Variants in SEC24B observed in about 807,000 individuals in gnomAD.
SEC24B encodes protein transport protein Sec24B.
Under a neutral mutation model 142.8 loss-of-function variants are expected in SEC24B, and 45 were observed. The ratio of observed to expected loss-of-function variants is 0.32; its 90% CI spans 0.25 to 0.40. The LOEUF (loss-of-function observed/expected upper bound fraction) is 0.40. Ranked by LOEUF, SEC24B falls within the 10% of genes least tolerant of loss-of-function variation. The probability of loss-of-function intolerance (pLI) is 1.00; values close to 1 mark genes in which losing one functional copy is unlikely to be tolerated. For synonymous variants in SEC24B, 574 were observed against 568.2 expected, an observed-to-expected ratio of 1.01 and a Z score of -0.15; for missense variants, 1,409 against 1,526.8, an observed-to-expected ratio of 0.92 and a Z score of 1.29.
chr4:109,492,146 T>C (rs2126005061), intron 5 of SEC24B, among the ~76,000 whole-genome samples: 1 of 145,906 alleles, frequency 6.9e-6, no homozygotes, highest in Admixed American at 6.7e-5. Context: ...TGGAATGTTC[T>C]ATACTTAAAA....
chr4:109,523,224 C>T (rs1270425689), intron 14 of SEC24B, among the ~76,000 whole-genome samples: 1 of 152,080 alleles, frequency 6.6e-6, no homozygotes, highest in Non-Finnish European at 1.5e-5. Context: ...AATCCCGGCA[C>T]TTTGGGAGGC....
intron 18 of SEC24B, among the ~76,000 whole-genome samples, chr4:109,528,745 AACTTAG>A (rs70954157): frequency 0.09 from 13,746 of 152,308 alleles, 699 homozygotes; most frequent in Middle Eastern, 0.18. Flanking sequence ...CTTGTAGATG[AACTTAG>A]ACATGAAACA....
chr4:109,521,265 T>A, intron 13 of SEC24B, 93 bp downstream of exon 13: 1 of 978,490 alleles, frequency 1.0e-6, no homozygotes, highest in Non-Finnish European at 1.5e-6. Context: ...TATATTAGTA[T>A]TACAAATAAT....
At chr4:109,528,738 G>A (rs1388441771) in intron 18 of SEC24B, among the ~76,000 whole-genome samples, 1 of 150,518 alleles carries the variant, frequency 6.6e-6, no homozygotes, top group Non-Finnish European at 1.5e-5. Flanking sequence ...AATTTGCCTT[G>A]TAGATGAACT....
intron 6 of SEC24B, among the ~76,000 whole-genome samples, chr4:109,500,741 C>G (rs890139182): frequency 4.6e-5 from 7 of 152,050 alleles, no homozygotes; most frequent in Non-Finnish European, 7.4e-5. Context: ...GCAACCTCCA[C>G]CTCCCGGGCT....
intron 6 of SEC24B, among the ~76,000 whole-genome samples, chr4:109,502,894 T>C (rs931500325): frequency 1.3e-5 from 2 of 152,212 alleles, no homozygotes; most frequent in East Asian, 3.8e-4. Flanking sequence ...TCCCTGTTTA[T>C]ATTTTTTCAC....
intron 1 of SEC24B, among the ~76,000 whole-genome samples, chr4:109,438,863 T>A (rs1419724494): frequency 2.0e-5 from 3 of 152,218 alleles, no homozygotes; most frequent in Non-Finnish European, 4.4e-5. Context: ...TTTTTAAAAC[T>A]ATTTGTATTT....
intron 20 of SEC24B, among the ~76,000 whole-genome samples, chr4:109,532,317 G>A (rs1579005726): frequency 6.6e-6 from 1 of 151,758 alleles, no homozygotes; most frequent in Admixed American, 6.6e-5. Flanking sequence ...ATAATGTTAT[G>A]TTGCCAAAGA....
chr4:109,444,619 T>A (rs1561060458), intron 1 of SEC24B, among the ~76,000 whole-genome samples: 1 of 152,118 alleles, frequency 6.6e-6, no homozygotes, highest in Non-Finnish European at 1.5e-5. Context: ...GAGGTTATGC[T>A]ACTGAGACAG....
rs1415486089 is a variant in SEC24B, at chr4:109,510,011, C to T, written c.1676C>T (p.Ser559Leu). The T allele has an allele frequency of 6.3e-7, 1 of 1,590,720 alleles. No individual in the cohort carries two copies. The highest frequency in any genetic ancestry group is 8.6e-7 in the Non-Finnish European group (1 of 1,168,486). Reference sequence around the variant, plus strand: ...CATGTTGTTTATGTTTTTTGCAGTTCATTTCGGTGTACTTTGACAAATATT... The same window carrying T: ...CATGTTGTTTATGTTTTTTGCAGTTTATTTCGGTGTACTTTGACAAATATT... ...DLKKLNCSPD[S>L]FRCTLTNIPQ... Residue 559 changes from serine (S) to leucine (L), a missense_variant and splice_region_variant, in exon 8 of 24, where the codon TCA (serine) becomes TTA (leucine). Ser to Leu is a moderately radical substitution (Grantham distance 145). Around this residue, in one of 2 missense-constraint regions of SEC24B, gnomAD observed 700 missense variants for 853.3 expected, o/e 0.82. Transcript: ENST00000265175.
intron 1 of SEC24B, among the ~76,000 whole-genome samples, chr4:109,452,116 G>C (rs184629717): frequency 6.6e-6 from 1 of 151,488 alleles, no homozygotes; most frequent in East Asian, 1.9e-4. Context: ...CCTCTCACCA[G>C]CCCCTGGCAG....
chr4:109,520,714 T>A (rs535976805), intron 12 of SEC24B, among the ~76,000 whole-genome samples: 1 of 152,258 alleles, frequency 6.6e-6, no homozygotes, highest in Admixed American at 6.5e-5. Context: ...CAATATTAGC[T>A]GGGCGCAGTG....
intron 6 of SEC24B, among the ~76,000 whole-genome samples, chr4:109,498,078 A>G (rs1735714331): frequency 1.3e-5 from 2 of 152,230 alleles, no homozygotes; most frequent in Admixed American, 1.3e-4. Flanking sequence ...AAGACCTTGC[A>G]GTACAGAATT....
rs551520863 is a variant in SEC24B at position 109,448,194 on chromosome 4, G to A, written c.133+14192G>A. ...GCCAGGTAATCTAACATATTCACAA[G>A]TTTCAGAGATTAGGATATGGACATA... On this transcript the variant is annotated intron_variant, in intron 1 of 23. Transcript: ENST00000265175. Among the ~76,000 whole-genome samples the A allele has an allele frequency of 2.0e-5, 3 of 152,188 alleles. No homozygotes were observed. The East Asian group carries it at 5.8e-4, about 29-fold the overall frequency.
intron 3 of SEC24B, among the ~76,000 whole-genome samples, chr4:109,476,174 A>T (rs1733114719): frequency 6.6e-6 from 1 of 151,860 alleles, no homozygotes; most frequent in Non-Finnish European, 1.5e-5. Context: ...TTTAGTAGAG[A>T]CGGGGTTTCA....
chr4:109,482,977 TATACAC>T (rs1447152673), intron 4 of SEC24B, among the ~76,000 whole-genome samples: 14 of 47,456 alleles, frequency 3.0e-4, no homozygotes, highest in Non-Finnish European at 4.7e-4. Context: ...TATATATATA[TATACAC>T]ACACACACAC....
chr4:109,508,803 GAAT>G (rs1193663461), intron 7 of SEC24B, among the ~76,000 whole-genome samples: 1 of 152,098 alleles, frequency 6.6e-6, no homozygotes, highest in African/African-American at 2.4e-5. Context: ...TGTAAAACAG[GAAT>G]AATAATAGTA....
In SEC24B at chr4:109,534,420, A is replaced by G. The variant is rs1307637109; in HGVS notation, c.3588+735A>G. Among the ~76,000 whole-genome samples, 3 of 151,938 alleles carry G rather than the reference A, an allele frequency of 2.0e-5. No individual in the cohort carries two copies. In the East Asian group the frequency reaches 5.8e-4, roughly 29 times the overall value. On this transcript the variant is annotated intron_variant, in intron 22 of 23. Coordinates refer to ENST00000265175, the MANE Select transcript of SEC24B (RefSeq NM_006323.5). ...GTGAACACGGTGAAACCCCATCTCT[A>G]CTAAAAATACAAAAAAATTAGCCGA...
In SEC24B at chr4:109,463,185, T is replaced by C. The variant is rs774738241; in HGVS notation, c.418T>C (p.Ser140Pro). 1.2e-6 allele frequency: 2 copies of C among 1,614,218 alleles called. No individual in the cohort carries two copies. The highest frequency in any genetic ancestry group is 2.2e-5 in the South Asian group (2 of 91,086). Reference sequence around the variant, plus strand: ...AGGATCTTTCCAAGGTGCTGCATCGTCAGCATCCCATTTGCATACGAGTGC... The same window carrying C: ...AGGATCTTTCCAAGGTGCTGCATCGCCAGCATCCCATTTGCATACGAGTGC... ...TLGSFQGAAS[S>P]ASHLHTSASQ... The change falls in exon 2 of 24, where the codon TCA becomes CCA. Residue 140 changes from serine to proline, a missense_variant. Ser to Pro is a moderately conservative substitution (Grantham distance 74, BLOSUM62 -1). This residue lies in a region of SEC24B where 709 missense variants were observed against 673.5 expected (regional missense o/e 1.05). Coordinates refer to ENST00000265175, the MANE Select transcript of SEC24B (RefSeq NM_006323.5).
Sources: gnomAD v4.1 joint callset for allele counts (sites outside exome capture counted in the v4.1 genomes callset) on GRCh38, gnomAD v4.1.1 for gene constraint, gnomAD v4.1.1 regional missense constraint, MANE v1.5 for transcripts, NCBI Gene and HGNC (gene_info 2026-07-23, HGNC 2026-07-21) for gene names.